PGM5: variants seen among roughly 807,000 people sequenced by gnomAD.
PGM5 encodes phosphoglucomutase-like protein 5.
A neutral mutation model predicts 59.2 loss-of-function variants in PGM5; 23 were observed. The observed-to-expected ratio is 0.39, with a 90% confidence interval of 0.28 to 0.55. PGM5 has a LOEUF of 0.55. PGM5 is among the 20% of genes least tolerant of loss of function. The pLI is 0.66. For synonymous variants in PGM5, 214 were observed against 286.0 expected, an observed-to-expected ratio of 0.75 and a Z score of 2.54; for missense variants, 574 against 748.3, an observed-to-expected ratio of 0.77 and a Z score of 2.72.
chr9:68,426,889 G>A (rs1823248099), intron 6 of PGM5: 1 of 152,162 alleles, frequency 6.6e-6, no homozygotes, highest in Admixed American at 6.5e-5. Flanking sequence ...AGACTGCAAG[G>A]CCCTTCAGGA....
At position 68,402,155 on chromosome 9, in the gene PGM5, T is replaced by C. The variant is rs112870196; in HGVS notation, c.1043+9682T>C. On this transcript the variant is annotated intron_variant, in intron 6 of 10. Coordinates refer to ENST00000396396, the MANE Select transcript of PGM5 (RefSeq NM_021965.4). ...GGCGCAGGCTTGTAATCCCAGCTAC[T>C]TGGGAGGCTGAGGCATGAGAATCGC... Among the ~76,000 whole-genome samples the C allele has an allele frequency of 4.5e-4, 68 of 152,176 alleles. No individual in the cohort carries two copies. In the East Asian group the frequency reaches 0.011, roughly 25 times the overall value.
chr9:68,422,427 G>GGTTTTTTGTTTTGTTTT (rs543263357), intron 6 of PGM5, among the ~76,000 whole-genome samples: 12 of 151,806 alleles, frequency 7.9e-5, no homozygotes, highest in South Asian at 6.3e-4. Flanking sequence ...CTTGTGTGGT[G>GGTTTTTTGTTTTGTTTT]GTTTTTTGTT....
At chr9:68,505,480 T>A (rs12351373) in intron 10 of PGM5, among the ~76,000 whole-genome samples, 2,588 of 152,302 alleles carry the variant, frequency 0.017, 65 homozygotes, top group African/African-American at 0.056. Flanking sequence ...GCTACCCACA[T>A]TTTTGCCTTG....
intron 10 of PGM5, among the ~76,000 whole-genome samples, chr9:68,507,133 G>A (rs984859769): frequency 2.0e-5 from 3 of 152,098 alleles, no homozygotes; most frequent in East Asian, 3.8e-4. Flanking sequence ...GAATTTGGTC[G>A]GTATTGCTGC....
chr9:68,381,944 A>G lies in PGM5; in HGVS notation c.425-2454A>G, dbSNP rs192451697. ...GGATCAAAAACATTAATATTATTAA[A>G]ACATTCATACTACCAAAAACAATAT... On this transcript the variant is annotated intron_variant, in intron 2 of 10. Transcript: ENST00000396396. Among the ~76,000 whole-genome samples, 380 of 152,122 alleles carry G rather than the reference A, an allele frequency of 2.5e-3. 2 individuals carry two copies. The East Asian group carries it at 0.057, about 23-fold the overall frequency.
chr9:68,529,792 G>T lies in PGM5; in HGVS notation c.*136G>T. ...ATATTTTGCTTTTGGGGGATAGAGG[G>T]TGGGTGGGAAAAGAAAAAAAATCCA... On this transcript the variant is annotated 3_prime_UTR_variant, in exon 11 of 11. Transcript: ENST00000396396. 1 of 479,192 alleles carries T rather than the reference G, an allele frequency of 2.1e-6. No individual in the cohort carries two copies. The allele number at this position is 479,192 out of a possible 1,614,324, so 29.7% of individuals were successfully genotyped here. A position where few individuals can be genotyped will look rare whatever the true frequency, so the allele number is the denominator to read the frequency against.
intron 1 of PGM5, among the ~76,000 whole-genome samples, chr9:68,368,485 T>A (rs1834723318): frequency 6.6e-6 from 1 of 152,000 alleles, no homozygotes; most frequent in Non-Finnish European, 1.5e-5. Flanking sequence ...AGGACAAGGA[T>A]GCAGACATGT....
At chr9:68,500,703 T>C (rs373475864) in intron 10 of PGM5, among the ~76,000 whole-genome samples, 2 of 152,288 alleles carry the variant, frequency 1.3e-5, no homozygotes, top group African/African-American at 4.8e-5. Flanking sequence ...GGAGGGAGAT[T>C]AAAGCAGGGG....
At chr9:68,396,498 A>T (rs1314213441) in intron 6 of PGM5, 1 of 152,182 alleles carries the variant, frequency 6.6e-6, no homozygotes, top group Non-Finnish European at 1.5e-5. Flanking sequence ...GTAGTTCTTG[A>T]TTTCACTTTA....
rs777473699 is a variant in PGM5 at position 68,524,737 on chromosome 9, C to T, written c.1615-4830C>T. ...TTGCAATCCCATGATTTCCCTGCTC[C>T]TCCCCATTCAGTGCATTTTGTCTTT... On this transcript the variant is annotated intron_variant, in intron 10 of 10. Coordinates refer to ENST00000396396, the MANE Select transcript of PGM5 (RefSeq NM_021965.4). Among the ~76,000 whole-genome samples the T allele has an allele frequency of 1.4e-4, 21 of 152,184 alleles. 1 individual carries two copies. The highest frequency in any genetic ancestry group is 2.1e-4 in the Non-Finnish European group (14 of 68,030).
At chr9:68,489,555 C>T (rs1288890398) in intron 9 of PGM5, among the ~76,000 whole-genome samples, 1 of 150,536 alleles carries the variant, frequency 6.6e-6, no homozygotes, top group Non-Finnish European at 1.5e-5. Flanking sequence ...GACCTCTGCT[C>T]CCGGGTTCAA....
At chr9:68,495,081 G>C (rs1554688072) in intron 9 of PGM5, among the ~76,000 whole-genome samples, 1 of 152,178 alleles carries the variant, frequency 6.6e-6, no homozygotes, top group Non-Finnish European at 1.5e-5. Flanking sequence ...GGTATATAAG[G>C]CTCTGTCCTC....
intron 1 of PGM5, among the ~76,000 whole-genome samples, chr9:68,366,817 A>G (rs548114221): frequency 0.023 from 3,545 of 152,176 alleles, 25 homozygotes; most frequent in Non-Finnish European, 0.036. Flanking sequence ...ATTGAATGTG[A>G]TAATGGGTTA....
intron 6 of PGM5, among the ~76,000 whole-genome samples, chr9:68,428,302 C>T (rs549752294): frequency 6.6e-6 from 1 of 152,202 alleles, no homozygotes; most frequent in African/African-American, 2.4e-5. Context: ...TCAAATGTCC[C>T]CAGGGAGACG....
chr9:68,406,718 A>ATG (rs1563996760), intron 6 of PGM5, among the ~76,000 whole-genome samples: 16 of 96,268 alleles, frequency 1.7e-4, no homozygotes, highest in African/African-American at 4.7e-4. Context: ...ATATATATAT[A>ATG]TATATATGTA....
chr9:68,414,247 C>A (rs542509333), intron 6 of PGM5, among the ~76,000 whole-genome samples: 9 of 152,278 alleles, frequency 5.9e-5, no homozygotes, highest in South Asian at 2.1e-4. Flanking sequence ...CTAAATAGAC[C>A]TCTTTTCTTA....
intron 7 of PGM5, among the ~76,000 whole-genome samples, chr9:68,470,896 G>A (rs1554686184): frequency 6.6e-6 from 1 of 152,206 alleles, no homozygotes; most frequent in African/African-American, 2.4e-5. Context: ...GCACAGAGGT[G>A]CTATGATTGA....
At chr9:68,519,830 G>A (rs1824872210) in intron 10 of PGM5, among the ~76,000 whole-genome samples, 1 of 151,416 alleles carries the variant, frequency 6.6e-6, no homozygotes, top group African/African-American at 2.4e-5. Flanking sequence ...AGAGGCCAAG[G>A]TGGTAGGATT....
intron 6 of PGM5, among the ~76,000 whole-genome samples, chr9:68,453,809 C>T (rs576644117): frequency 9.4e-4 from 143 of 152,286 alleles, no homozygotes; most frequent in Non-Finnish European, 2.1e-4. Flanking sequence ...AAGAGACTAA[C>T]GGATTAGAGA....
Sources: allele counts gnomAD v4.1 joint callset (sites outside exome capture counted in the v4.1 genomes callset), GRCh38; gene constraint gnomAD v4.1.1; transcripts MANE v1.5; gene names NCBI Gene and HGNC (gene_info 2026-07-23, HGNC 2026-07-21).